PYM1: variants seen among roughly 807,000 people sequenced by gnomAD.
PYM1 encodes partner of Y14 and mago.
Under a neutral mutation model 20.7 loss-of-function variants are expected in PYM1, and 7 were observed. That is an observed-to-expected ratio of 0.34 (90% CI 0.19 to 0.64). The LOEUF (loss-of-function observed/expected upper bound fraction) is 0.64. PYM1 is among the 30% of genes least tolerant of loss of function. The pLI is 0.74. For synonymous variants in PYM1, 100 were observed against 99.2 expected, an observed-to-expected ratio of 1.01 and a Z score of -0.05; for missense variants, 194 against 250.0, an observed-to-expected ratio of 0.78 and a Z score of 1.51.
chr12:55,921,670 C>T (rs528291278), intron 1 of PYM1, among the ~76,000 whole-genome samples: 4 of 152,018 alleles, frequency 2.6e-5, no homozygotes, highest in Non-Finnish European at 5.9e-5. Context: ...ATCATACCTG[C>T]AATGATGGCA....
chr12:55,914,953 C>T (rs772463), intron 1 of PYM1, among the ~76,000 whole-genome samples: 5,773 of 152,132 alleles, frequency 0.038, 377 homozygotes, highest in African/African-American at 0.13. Flanking sequence ...TGGTGGCTCA[C>T]ACCTGTAATC....
rs1565714415 is a variant in PYM1 at position 55,905,876 on chromosome 12, T to TTAGATATATATATTATTATATATATCTAA, written c.38-2425_38-2397dup. Among the ~76,000 whole-genome samples the TTAGATATATATATTATTATATATATCTAA allele has an allele frequency of 1.8e-4, 14 of 78,566 alleles. 1 individual carries two copies. Among genetic ancestry groups the TTAGATATATATATTATTATATATATCTAA allele is most frequent in the South Asian group, 8.3e-4 (2 of 2,396 alleles). 51.5% of individuals were successfully genotyped at this position (78,566 alleles called of 152,430 possible). A position where few individuals can be genotyped will look rare whatever the true frequency, so the allele number is the denominator to read the frequency against. ...TATATATTAGATATATATATATCTATTAGATATATATATTATTATATATAT... is the reference window on the plus strand; with the variant it reads ...TATATATTAGATATATATATATCTATTAGATATATATATTATTATATATATCTAATAGATATATATATTATTATATATAT... On this transcript the variant is annotated intron_variant, in intron 1 of 2. Coordinates refer to ENST00000408946, the MANE Select transcript of PYM1 (RefSeq NM_032345.3).
intron 1 of PYM1, among the ~76,000 whole-genome samples, chr12:55,918,561 C>T (rs916119457): frequency 2.0e-5 from 3 of 152,120 alleles, no homozygotes; most frequent in African/African-American, 7.2e-5. Flanking sequence ...GGTAAGACCT[C>T]CATCTCTATA....
intron 1 of PYM1, among the ~76,000 whole-genome samples, chr12:55,905,966 GAT>G (rs1187492937): frequency 8.6e-6 from 1 of 116,428 alleles, no homozygotes; most frequent in African/African-American, 3.8e-5. Context: ...ATATCTAATA[GAT>G]ATATATATTA....
chr12:55,924,025 G>A (rs1227859099), intron 1 of PYM1, among the ~76,000 whole-genome samples: 2 of 151,582 alleles, frequency 1.3e-5, no homozygotes, highest in East Asian at 1.9e-4. Context: ...GCAGTGAGCC[G>A]AGATCGCGCT....
intron 1 of PYM1, among the ~76,000 whole-genome samples, chr12:55,912,612 A>T (rs1209183386): frequency 6.7e-6 from 1 of 150,188 alleles, no homozygotes; most frequent in Non-Finnish European, 1.5e-5. Flanking sequence ...GGCCTTCTTG[A>T]TTTACCTCTT....
chr12:55,901,722 G>A lies in PYM1; in HGVS notation c.*150C>T, dbSNP rs565767913. The A allele has an allele frequency of 2.5e-5, 28 of 1,131,960 alleles. No homozygotes were observed. The South Asian group carries it at 3.8e-4, about 16-fold the overall frequency. The allele number at this position is 1,131,960 out of a possible 1,614,324, so 70.1% of individuals were successfully genotyped here. A position where few individuals can be genotyped will look rare whatever the true frequency, so the allele number is the denominator to read the frequency against. On this transcript the variant is annotated 3_prime_UTR_variant, in exon 3 of 3. Coordinates refer to ENST00000408946, the MANE Select transcript of PYM1 (RefSeq NM_032345.3). Reference sequence around the variant, plus strand: ...AGAAAAGGGAAGGATTGAGGGAGACGCTAGGCTCTGGAGGACAGAGCTGGG... The same window carrying A: ...AGAAAAGGGAAGGATTGAGGGAGACACTAGGCTCTGGAGGACAGAGCTGGG...
At position 55,917,249 on chromosome 12, in the gene PYM1, G is replaced by A. The variant is rs577240416; in HGVS notation, c.37+10476C>T. Among the ~76,000 whole-genome samples, 78 of 150,602 alleles carry A rather than the reference G, an allele frequency of 5.2e-4. 1 individual carries two copies. Among genetic ancestry groups the A allele is most frequent in the South Asian group, 1.7e-3 (8 of 4,746 alleles). ...AGCCTGGCCAACATGGTGAAAGCCC[G>A]TCTCTACTAAAAATAAAAAAAATTA... On this transcript the variant is annotated intron_variant, in intron 1 of 2. Coordinates refer to ENST00000408946, the MANE Select transcript of PYM1 (RefSeq NM_032345.3).
At chr12:55,908,858 A>T (rs543997385) in intron 1 of PYM1, among the ~76,000 whole-genome samples, 24 of 152,278 alleles carry the variant, frequency 1.6e-4, no homozygotes, top group African/African-American at 5.3e-4. Flanking sequence ...TCTCCAAAAA[A>T]AAAATAAAAT....
intron 1 of PYM1, chr12:55,927,065 C>T (rs1883206162): frequency 4.7e-6 from 7 of 1,504,726 alleles, no homozygotes; most frequent in Non-Finnish European, 6.2e-6. Context: ...CTCCGCGCCT[C>T]CCGCACTCAC....
chr12:55,912,729 C>T lies in PYM1; in HGVS notation c.38-9249G>A, dbSNP rs539912246. Among the ~76,000 whole-genome samples the T allele has an allele frequency of 3.4e-4, 51 of 152,204 alleles. 1 individual carries two copies. Among genetic ancestry groups the T allele is most frequent in the African/African-American group, 9.9e-4 (41 of 41,532 alleles). ...TATGTAATCCCAGCACTTTGGGAGGCGGAGGCGGGTGGATCATCTGAGGTC... is the reference window on the plus strand; with the variant it reads ...TATGTAATCCCAGCACTTTGGGAGGTGGAGGCGGGTGGATCATCTGAGGTC... On this transcript the variant is annotated intron_variant, in intron 1 of 2. Transcript: ENST00000408946.
Position 55,902,082 on chromosome 12 carries a change from G to C in PYM1, c.405C>G (p.Pro135=), listed in dbSNP as rs774158597. The change falls in exon 3 of 3, where the codon CCC becomes CCG. Residue 135 remains proline, a synonymous_variant. Coordinates refer to ENST00000408946, the MANE Select transcript of PYM1 (RefSeq NM_032345.3). ...AGTCAGGCTGGTCAGATGCAGCTGT[G>C]GGGGCTGCCCGAGAGCCCTGTGGAG... ...PSAPQGSRAA[P]TAASDQPDSA... 7.4e-6 allele frequency: 12 copies of C among 1,613,926 alleles called. No individual in the cohort carries two copies. The highest frequency in any genetic ancestry group is 1.7e-5 in the Admixed American group (1 of 59,986).
chr12:55,914,602 T>C (rs549485470), intron 1 of PYM1, among the ~76,000 whole-genome samples: 12 of 152,086 alleles, frequency 7.9e-5, no homozygotes, highest in African/African-American at 2.2e-4. Flanking sequence ...AAAGACAACA[T>C]AGCAAGGCAT....
rs1883166194 is a variant in PYM1 at position 55,925,066 on chromosome 12, T to A, written c.37+2659A>T. ...AGTTATATTGAATCTGATAGCTCTG[T>A]ACTTTTTCTCTAGCAACATGCTGTG... On this transcript the variant is annotated intron_variant, in intron 1 of 2. Coordinates refer to ENST00000408946, the MANE Select transcript of PYM1 (RefSeq NM_032345.3). Among the ~76,000 whole-genome samples, 2 of 152,260 alleles carry A rather than the reference T, an allele frequency of 1.3e-5. 1 individual carries two copies. The highest frequency in any genetic ancestry group is 2.9e-5 in the Non-Finnish European group (2 of 68,046).
chr12:55,905,076 A>G (rs1882770359), intron 1 of PYM1, among the ~76,000 whole-genome samples: 1 of 151,444 alleles, frequency 6.6e-6, no homozygotes, highest in Non-Finnish European at 1.5e-5. Context: ...ATCTCGGCTC[A>G]CTGCAAGCTC....
At chr12:55,907,864 G>A (rs1392315673) in intron 1 of PYM1, among the ~76,000 whole-genome samples, 2 of 152,052 alleles carry the variant, frequency 1.3e-5, no homozygotes, top group Non-Finnish European at 2.9e-5. Flanking sequence ...ACTTGAACCC[G>A]GGAAGTGGGG....
At chr12:55,912,769 A>G (rs1423198409) in intron 1 of PYM1, among the ~76,000 whole-genome samples, 2 of 152,014 alleles carry the variant, frequency 1.3e-5, no homozygotes, top group Non-Finnish European at 1.5e-5. Flanking sequence ...GTTCGAGACC[A>G]GCCTGGCCAA....
chr12:55,920,204 T>TAA (rs970381560), intron 1 of PYM1, among the ~76,000 whole-genome samples: 3 of 141,680 alleles, frequency 2.1e-5, no homozygotes, highest in African/African-American at 7.8e-5. Context: ...CTTGTCTCTT[T>TAA]AAAAAAAAAA....
intron 1 of PYM1, among the ~76,000 whole-genome samples, chr12:55,903,830 A>G (rs1397568329): frequency 6.6e-6 from 1 of 152,202 alleles, no homozygotes; most frequent in Non-Finnish European, 1.5e-5. Flanking sequence ...GGGGAGGAGA[A>G]ATGACAATAG....
Sources: gnomAD v4.1 joint callset for allele counts (sites outside exome capture counted in the v4.1 genomes callset) on GRCh38, gnomAD v4.1.1 for gene constraint, MANE v1.5 for transcripts, NCBI Gene and HGNC (gene_info 2026-07-23, HGNC 2026-07-21) for gene names.